The following KIF5C variants were observed in gnomAD, a reference collection of about 807,000 sequenced individuals.
The protein encoded by KIF5C is kinesin family member 5C.
Under a neutral mutation model 125.2 loss-of-function variants are expected in KIF5C, and 18 were observed. The ratio of observed to expected loss-of-function variants is 0.14; its 90% CI spans 0.10 to 0.21. KIF5C has a LOEUF of 0.21. Among genes scored for constraint, KIF5C ranks in the 10% least tolerant of loss-of-function variants. The pLI is 1.00. For synonymous variants in KIF5C, 405 were observed against 434.0 expected (o/e 0.93, Z 0.83); for missense variants, 780 against 1,183.8 (o/e 0.66, Z 5.01).
chr2:148,927,792 CACTG>C lies in KIF5C; in HGVS notation c.218-1485_218-1482del, dbSNP rs1291041496. 2.6e-5 allele frequency among the ~76,000 whole-genome samples: 4 copies of C among 152,088 alleles called. No homozygotes were observed. In the South Asian group the frequency reaches 6.2e-4, roughly 24 times the overall value. On this transcript the variant is annotated intron_variant, in intron 2 of 25. Transcript: ENST00000435030. ...CTGAAGCTTGAACCTCCAAACCTTA[CACTG>C]ACTACTTCAAGTTTTTGCTTCCCAC...
intron 10 of KIF5C, among the ~76,000 whole-genome samples, chr2:148,959,646 C>T (rs1682878519): frequency 6.6e-6 from 1 of 152,158 alleles, no homozygotes; most frequent in African/African-American, 2.4e-5. Flanking sequence ...TTGGGTTGCG[C>T]ATCTTTAGCT....
chr2:148,952,406 G>T (rs1682686444), intron 10 of KIF5C, among the ~76,000 whole-genome samples: 1 of 152,140 alleles, frequency 6.6e-6, no homozygotes, highest in South Asian at 2.1e-4. Flanking sequence ...GCTGTCTACA[G>T]GAAGCATTTT....
chr2:148,925,389 CTTATA>C, intron 2 of KIF5C, among the ~76,000 whole-genome samples: 1 of 152,118 alleles, frequency 6.6e-6, no homozygotes, highest in East Asian at 1.9e-4. Context: ...TTGTTATTAT[CTTATA>C]TATGACTCTG....
Position 148,875,245 on chromosome 2 carries a change from T to G in KIF5C, c.-373T>G, listed in dbSNP as rs915402672. 3 of 185,050 alleles carry G rather than the reference T, an allele frequency of 1.6e-5. No individual in the cohort carries two copies. The highest frequency in any genetic ancestry group is 2.2e-5 in the Non-Finnish European group (2 of 90,228). The allele number at this position is 185,050 out of a possible 1,614,324, so 11.5% of individuals were successfully genotyped here. ...AGGCGGCAGAGCGCGCTGGTGCTGATGCAGGATGGCTGAGCGCGCAGGAGC... is the reference window on the plus strand; with the variant it reads ...AGGCGGCAGAGCGCGCTGGTGCTGAGGCAGGATGGCTGAGCGCGCAGGAGC... On this transcript the variant is annotated 5_prime_UTR_variant, in exon 1 of 26. It removes an upstream start codon present in the reference 5' UTR. Transcript: ENST00000435030.
At chr2:148,927,107 C>G (rs909032573) in intron 2 of KIF5C, among the ~76,000 whole-genome samples, 1 of 152,202 alleles carries the variant, frequency 6.6e-6, no homozygotes, top group South Asian at 2.1e-4. Context: ...AAGCCACGGA[C>G]GAGCTCTGGT....
At chr2:148,961,368 A>G (rs1050883767) in intron 10 of KIF5C, among the ~76,000 whole-genome samples, 8 of 152,052 alleles carry the variant, frequency 5.3e-5, no homozygotes, top group Admixed American at 5.2e-4. Flanking sequence ...TGTGGGACCC[A>G]CCTGACCTAT....
chr2:148,949,874 C>T lies in KIF5C; in HGVS notation c.750C>T (p.Asp250=), dbSNP rs60169973. ...SKTGAEGAVL[D]EAKNINKSLS... is the part of the protein sequence containing the mutation. ...CTGGTGCCGAGGGAGCTGTTCTTGA[C>T]GAAGCTAAAAATATCAATAAGTCTT... Residue 250 remains aspartate (D), a synonymous_variant, in exon 9 of 26, where the codon GAC becomes GAT. Transcript: ENST00000435030. 141,524 of 1,613,396 alleles carry T rather than the reference C, an allele frequency of 0.088. 8,154 individuals carry two copies. The highest frequency in any genetic ancestry group is 0.28 in the African/African-American group (20,627 of 74,922).
chr2:148,875,849 C>T (rs1681166171), intron 1 of KIF5C, 106 bp downstream of exon 1: 43 of 1,449,472 alleles, frequency 3.0e-5, no homozygotes, highest in Non-Finnish European at 3.8e-5. Context: ...CGGACATTCC[C>T]GCGGGGCTGG....
chr2:148,990,202 CA>C (rs1230670320), intron 15 of KIF5C, among the ~76,000 whole-genome samples: 1 of 152,198 alleles, frequency 6.6e-6, no homozygotes, highest in African/African-American at 2.4e-5. Flanking sequence ...TAGCTTGCTT[CA>C]ACTTTTGTTT....
At chr2:148,928,175 A>G (rs1682075585) in intron 2 of KIF5C, among the ~76,000 whole-genome samples, 1 of 152,236 alleles carries the variant, frequency 6.6e-6, no homozygotes, top group African/African-American at 2.4e-5. Context: ...AAAACAAACC[A>G]GCATCATAAA....
At chr2:148,916,809 G>A (rs1172419203) in intron 1 of KIF5C, among the ~76,000 whole-genome samples, 1 of 152,180 alleles carries the variant, frequency 6.6e-6, no homozygotes, top group Non-Finnish European at 1.5e-5. Flanking sequence ...TTTGGAGAGA[G>A]CAAGTGATTT....
At chr2:148,909,786 T>C (rs1681260083) in intron 1 of KIF5C, among the ~76,000 whole-genome samples, 1 of 152,154 alleles carries the variant, frequency 6.6e-6, no homozygotes, top group African/African-American at 2.4e-5. Flanking sequence ...TAGATTTTGG[T>C]GGTTCTAGGT....
chr2:148,997,419 C>G (rs762556449), intron 18 of KIF5C, 79 bp downstream of exon 18: 1 of 1,600,394 alleles, frequency 6.2e-7, no homozygotes, highest in African/African-American at 1.3e-5. Context: ...CTAGGAAAAT[C>G]TGTCACCTTC....
At chr2:148,885,479 C>A (rs1681490950) in intron 1 of KIF5C, 1 of 152,190 alleles carries the variant, frequency 6.6e-6, no homozygotes, top group Non-Finnish European at 1.5e-5. Context: ...ATTAGATCGC[C>A]ATCAACTACA....
chr2:149,002,269 C>T (rs567134154), intron 21 of KIF5C, among the ~76,000 whole-genome samples: 1 of 152,326 alleles, frequency 6.6e-6, no homozygotes, highest in East Asian at 1.9e-4. Flanking sequence ...TCCGTGAGCT[C>T]TCAGGCACTC....
intron 13 of KIF5C, among the ~76,000 whole-genome samples, chr2:148,979,615 T>C (rs569969140): frequency 3.6e-4 from 55 of 152,202 alleles, no homozygotes; most frequent in Non-Finnish European, 6.5e-4. Flanking sequence ...AGCAATGCTG[T>C]GACCTGTTGT....
Position 149,010,288 on chromosome 2 carries a change from G to A in KIF5C, c.2704G>A (p.Asp902Asn). ...RDRKRYQQEV[D>N]RIKEAVRAKN... ...CCGTAAGCGCTACCAGCAGGAGGTG[G>A]ATCGTATCAAGGAGGCCGTGCGGGC... Residue 902 changes from aspartate (D) to asparagine (N), a missense_variant, in exon 24 of 26, where the codon GAT becomes AAT. Asp to Asn is a conservative substitution (Grantham distance 23). Coordinates refer to ENST00000435030, the MANE Select transcript of KIF5C (RefSeq NM_004522.3). 1 of 1,596,954 alleles carries A rather than the reference G, an allele frequency of 6.3e-7. No homozygotes were observed. Among genetic ancestry groups the A allele is most frequent in the Non-Finnish European group, 8.5e-7 (1 of 1,172,056 alleles).
At chr2:148,880,238 A>T (rs1303802323) in intron 1 of KIF5C, among the ~76,000 whole-genome samples, 5 of 151,936 alleles carry the variant, frequency 3.3e-5, no homozygotes, top group African/African-American at 1.2e-4. Context: ...CTCCTGCCTC[A>T]GCCTCCCAGG....
At chr2:148,945,217 T>A (rs1367718382) in intron 7 of KIF5C, among the ~76,000 whole-genome samples, 3 of 152,216 alleles carry the variant, frequency 2.0e-5, no homozygotes, top group Non-Finnish European at 4.4e-5. Flanking sequence ...AAGTCCAATG[T>A]CATGAAGCTT....
Sources: gnomAD v4.1 joint callset for allele counts (sites outside exome capture counted in the v4.1 genomes callset) on GRCh38, gnomAD v4.1.1 for gene constraint, MANE v1.5 for transcripts, NCBI Gene and HGNC (gene_info 2026-07-23, HGNC 2026-07-21) for gene names.